SBSPON: variants seen among roughly 807,000 people sequenced by gnomAD.
SBSPON encodes the protein somatomedin-B and thrombospondin type-1 domain-containing protein.
In SBSPON, 30 loss-of-function variants were observed where a neutral mutation model predicts 35.8. The observed-to-expected ratio is 0.84, with a 90% CI of 0.63 to 1.14. The LOEUF is 1.14. SBSPON is among the 50% of genes most tolerant of loss of function. The pLI is 0.00. For missense variants in SBSPON, 364 were observed against 357.7 expected, an observed-to-expected ratio of 1.02 and a Z score of -0.14; for synonymous variants, 136 against 135.9, an observed-to-expected ratio of 1.00 and a Z score of 0.00.
intron 2 of SBSPON, among the ~76,000 whole-genome samples, chr8:73,077,345 G>A (rs113043468): frequency 1.3e-5 from 2 of 152,256 alleles, no homozygotes; most frequent in Non-Finnish European, 2.9e-5. Flanking sequence ...CAAACATGAG[G>A]GATTCGTGTG....
At chr8:73,073,543 T>C (rs764802137) in intron 2 of SBSPON, among the ~76,000 whole-genome samples, 26 of 152,284 alleles carry the variant, frequency 1.7e-4, no homozygotes, top group Middle Eastern at 6.8e-3. Flanking sequence ...CAGTGGCTCA[T>C]GCCTGTAATC....
chr8:73,092,798 G>A, intron 1 of SBSPON, 56 bp downstream of exon 1: 1 of 1,414,584 alleles, frequency 7.1e-7, no homozygotes, highest in Middle Eastern at 1.9e-4. Flanking sequence ...GCCCTGCCCT[G>A]TGCCCGTTGG....
chr8:73,071,566 A>C (rs984481876), intron 3 of SBSPON, among the ~76,000 whole-genome samples: 3 of 152,182 alleles, frequency 2.0e-5, no homozygotes, highest in Admixed American at 6.5e-5. Context: ...TTCTTGTTGA[A>C]GATTGGACCT....
intron 2 of SBSPON, among the ~76,000 whole-genome samples, chr8:73,077,282 C>T (rs1209118391): frequency 2.6e-5 from 4 of 152,200 alleles, no homozygotes; most frequent in South Asian, 2.1e-4. Context: ...CACTCCTTCA[C>T]GGGGTTGCTA....
chr8:73,089,962 C>T (rs978275482), intron 1 of SBSPON, among the ~76,000 whole-genome samples: 3 of 152,222 alleles, frequency 2.0e-5, no homozygotes, highest in Non-Finnish European at 2.9e-5. Flanking sequence ...TCACTGTAGT[C>T]TCTACCTCCT....
In SBSPON at chr8:73,064,882, A is replaced by G. The variant is rs1012351582; in HGVS notation, c.*2459T>C. 1 of 152,084 alleles carries G rather than the reference A, an allele frequency of 6.6e-6. No individual in the cohort carries two copies. Among genetic ancestry groups the G allele is most frequent in the Non-Finnish European group, 1.5e-5 (1 of 68,018 alleles). 9.4% of individuals were successfully genotyped at this position (152,084 alleles called of 1,614,324 possible). On this transcript the variant is annotated 3_prime_UTR_variant, in exon 5 of 5. Coordinates refer to ENST00000297354, the MANE Select transcript of SBSPON (RefSeq NM_153225.4). ...TTTTCCATGAGCACTTTTGAAAATC[A>G]GTCTATTAAGGGATTTTAGAGTTCG...
chr8:73,065,790 A>C lies in SBSPON; in HGVS notation c.*1551T>G, dbSNP rs1563484156. The C allele has an allele frequency of 6.6e-6, 1 of 152,162 alleles. No homozygotes were observed. Among genetic ancestry groups the C allele is most frequent in the Non-Finnish European group, 1.5e-5 (1 of 68,028 alleles). 9.4% of individuals were successfully genotyped at this position (152,162 alleles called of 1,614,324 possible). On this transcript the variant is annotated 3_prime_UTR_variant, in exon 5 of 5. Transcript: ENST00000297354. ...TGAGACTCTGTCTCAAAGAAAAAAAAACTTTTAAGTAACATTGGAAATTAC... is the reference window on the plus strand; with the variant it reads ...TGAGACTCTGTCTCAAAGAAAAAAACACTTTTAAGTAACATTGGAAATTAC...
intron 1 of SBSPON, among the ~76,000 whole-genome samples, chr8:73,081,733 T>C (rs536836528): frequency 6.6e-6 from 1 of 152,160 alleles, no homozygotes; most frequent in Non-Finnish European, 1.5e-5. Context: ...TGTGTCTTCA[T>C]AAGAAACAGG....
intron 4 of SBSPON, among the ~76,000 whole-genome samples, chr8:73,069,485 G>C (rs769533372): frequency 2.6e-4 from 40 of 152,156 alleles, no homozygotes; most frequent in Non-Finnish European, 5.4e-4. Flanking sequence ...TGTCCAGGCT[G>C]GTCCCAACTC....
chr8:73,090,092 G>T (rs1316801217), intron 1 of SBSPON, among the ~76,000 whole-genome samples: 1 of 152,200 alleles, frequency 6.6e-6, no homozygotes, highest in African/African-American at 2.4e-5. Context: ...TGGCCAGGCT[G>T]GTCTCAAACT....
intron 1 of SBSPON, 39 bp downstream of exon 1, chr8:73,092,815 G>T (rs1412538915): frequency 6.5e-7 from 1 of 1,536,788 alleles, no homozygotes; most frequent in Non-Finnish European, 9.0e-7. Flanking sequence ...TTGGTTGCAG[G>T]CTAACGGCCG....
intron 1 of SBSPON, among the ~76,000 whole-genome samples, chr8:73,084,192 T>C (rs548157281): frequency 3.9e-5 from 6 of 152,190 alleles, no homozygotes; most frequent in Non-Finnish European, 5.9e-5. Context: ...TCCTTGCCCA[T>C]TTACCAACTG....
Position 73,071,351 on chromosome 8 carries a change from G to A in SBSPON, c.500+429C>T, listed in dbSNP as rs528749290. On this transcript the variant is annotated intron_variant, in intron 3 of 4. Coordinates refer to ENST00000297354, the MANE Select transcript of SBSPON (RefSeq NM_153225.4). Reference sequence around the variant, plus strand: ...TCCCTTATCTGACAGCAGAAGAATGGATTTCAGCTGAGCGTGAAGGTGACT... The same window carrying A: ...TCCCTTATCTGACAGCAGAAGAATGAATTTCAGCTGAGCGTGAAGGTGACT... 5.9e-5 allele frequency among the ~76,000 whole-genome samples: 9 copies of A among 152,322 alleles called. No homozygotes were observed. The South Asian group carries it at 1.9e-3, about 32-fold the overall frequency.
rs911753889 is a variant in SBSPON at position 73,081,426 on chromosome 8, T to A, written c.215-213A>T. 1.1e-4 allele frequency among the ~76,000 whole-genome samples: 16 copies of A among 152,214 alleles called. 1 individual carries two copies. Among genetic ancestry groups the A allele is most frequent in the Admixed American group, 1.0e-3 (16 of 15,304 alleles). On this transcript the variant is annotated intron_variant, in intron 1 of 4. Transcript: ENST00000297354. ...GGTGAATTGATAACCTGGTACCCCT[T>A]AGAAGTAGCTGGATACCCTGGGATC...
rs200280794 is a variant in SBSPON at position 73,071,870 on chromosome 8, A to T, written c.410T>A (p.Val137Asp). 53 of 1,598,690 alleles carry T rather than the reference A, an allele frequency of 3.3e-5. No individual in the cohort carries two copies. The African/African-American group carries it at 5.9e-4, about 18-fold the overall frequency. The change falls in exon 3 of 5, where the codon GTT becomes GAT. Residue 137 changes from valine (V) to aspartate (D), a missense_variant and splice_region_variant. Transcript: ENST00000297354. ...TGCAGAGGTAGTTATAAAGGCAGGA[A>T]CTGGAAAAGGGAGATTTCTGTTGAA... ...PQGQDCGHTYVPAFITTSAFN... is the reference protein window; with the variant it reads ...PQGQDCGHTYDPAFITTSAFN...
At chr8:73,079,758 T>A (rs1331368608) in intron 2 of SBSPON, among the ~76,000 whole-genome samples, 5 of 152,260 alleles carry the variant, frequency 3.3e-5, no homozygotes, top group Middle Eastern at 3.4e-3. Context: ...GTAAATCCAT[T>A]AATTCCCTGG....
At chr8:73,092,346 A>C (rs1810951471) in intron 1 of SBSPON, among the ~76,000 whole-genome samples, 1 of 152,234 alleles carries the variant, frequency 6.6e-6, no homozygotes, top group Non-Finnish European at 1.5e-5. Flanking sequence ...TGCTCTCCAG[A>C]AGAAAGTATT....
chr8:73,072,295 CAAA>C (rs951485889), intron 2 of SBSPON, among the ~76,000 whole-genome samples: 14 of 150,018 alleles, frequency 9.3e-5, no homozygotes, highest in Non-Finnish European at 1.6e-4. Context: ...AGAAAGGAAA[CAAA>C]GAAGGATAGA....
intron 2 of SBSPON, among the ~76,000 whole-genome samples, chr8:73,078,591 A>G (rs1810638868): frequency 6.6e-6 from 1 of 152,166 alleles, no homozygotes; most frequent in African/African-American, 2.4e-5. Context: ...GCAGTCAGGC[A>G]TGGCACAGGA....
Sources: gnomAD v4.1 joint callset for allele counts (sites outside exome capture counted in the v4.1 genomes callset) on GRCh38, gnomAD v4.1.1 for gene constraint, MANE v1.5 for transcripts, NCBI Gene and HGNC (gene_info 2026-07-23, HGNC 2026-07-21) for gene names.